The following ZNF469 variants were observed in gnomAD, a reference collection of about 807,000 sequenced individuals.
ZNF469 encodes zinc finger protein 469.
Under a neutral mutation model 1.0 loss-of-function variants are expected in ZNF469, and 1 was observed. The ratio of observed to expected loss-of-function variants is 1.00; its 90% CI spans 0.35 to 4.73. The LOEUF is 4.73. Among genes scored for constraint, ZNF469 ranks in the 30% most tolerant of loss-of-function variants. The pLI, the probability that ZNF469 is intolerant of heterozygous loss-of-function variation, is 0.16. For missense variants in ZNF469, 6,100 were observed against 5,356.3 expected (o/e 1.14, Z -4.33); for synonymous variants, 2,703 against 2,363.4 (o/e 1.14, Z -4.17).
chr16:88,108,839 T>A, the ZNF469 span, among the ~76,000 whole-genome samples: 1 of 152,218 alleles, frequency 6.6e-6, no homozygotes, highest in Non-Finnish European at 1.5e-5. Context: ...CCAGCAGCTC[T>A]GTGGGGAGGC....
At chr16:88,407,865 G>C (rs571479778) in intron 1 of ZNF469, among the ~76,000 whole-genome samples, 4 of 152,362 alleles carry the variant, frequency 2.6e-5, no homozygotes, top group African/African-American at 9.6e-5. Flanking sequence ...TGCAAATTAA[G>C]ACAGTATCAC....
the ZNF469 span, among the ~76,000 whole-genome samples, chr16:88,223,219 A>G: frequency 6.6e-6 from 1 of 152,168 alleles, no homozygotes; most frequent in Non-Finnish European, 1.5e-5. Context: ...AAACTGAACC[A>G]TGGGGGCCGT....
the ZNF469 span, among the ~76,000 whole-genome samples, chr16:88,298,497 A>T: frequency 6.6e-6 from 1 of 152,236 alleles, no homozygotes; most frequent in Admixed American, 6.5e-5. Context: ...GAGACCCTGG[A>T]AGGCGAAACT....
the ZNF469 span, among the ~76,000 whole-genome samples, chr16:88,156,014 T>C: frequency 1.3e-5 from 2 of 152,226 alleles, no homozygotes; most frequent in Admixed American, 6.5e-5. Flanking sequence ...ACTGAGTACC[T>C]TTCCATGTGC....
the ZNF469 span, among the ~76,000 whole-genome samples, chr16:88,343,751 G>C: frequency 6.6e-6 from 1 of 152,142 alleles, no homozygotes; most frequent in African/African-American, 2.4e-5. Flanking sequence ...TCCATGAATG[G>C]ATTAATCCAT....
chr16:88,419,436 T>A (rs1335433734), intron 1 of ZNF469, among the ~76,000 whole-genome samples: 1 of 152,182 alleles, frequency 6.6e-6, no homozygotes, highest in Admixed American at 6.5e-5. Flanking sequence ...CATGTGACCT[T>A]GGGCAGGTTC....
the ZNF469 span, among the ~76,000 whole-genome samples, chr16:88,169,708 C>G: frequency 6.6e-6 from 1 of 152,222 alleles, no homozygotes; most frequent in African/African-American, 2.4e-5. This position sits in a 1 kb window ranked among gnomAD's most constrained non-coding sequence, Gnocchi z 6.1. Context: ...GGCCGTCTGC[C>G]CCTCCGTCCC....
chr16:88,383,881 G>C (rs908189514), intron 1 of ZNF469, among the ~76,000 whole-genome samples: 1 of 152,188 alleles, frequency 6.6e-6, no homozygotes, highest in South Asian at 2.1e-4. Flanking sequence ...TGCAGAGCCG[G>C]GAAGTTGGCT....
chr16:88,351,237 T>C, the ZNF469 span, among the ~76,000 whole-genome samples: 2 of 152,208 alleles, frequency 1.3e-5, no homozygotes, highest in Non-Finnish European at 2.9e-5. Context: ...CCCCTCCCAC[T>C]GCTGGTCCCG....
At position 88,434,540 on chromosome 16, in the gene ZNF469, G is replaced by A. The variant is rs1906430922; in HGVS notation, c.7070G>A (p.Gly2357Asp). Residue 2357 changes from glycine to aspartate, a missense_variant, in exon 3 of 3, where the codon GGT becomes GAT. Transcript: ENST00000565624. ...AVPTEPPTLQ[G>D]AGPDSPACLE... ...CCCACTGAGCCTCCCACGCTACAGG[G>A]TGCAGGGCCGGACTCCCCCGCCTGC... 1.1e-5 allele frequency: 17 copies of A among 1,550,216 alleles called. No individual in the cohort carries two copies. Among genetic ancestry groups the A allele is most frequent in the Non-Finnish European group, 1.4e-5 (16 of 1,146,964 alleles).
chr16:88,224,690 CGTGTGTCTCTGTGTGTGTGTGTCCAT>C, the ZNF469 span, among the ~76,000 whole-genome samples: 1 of 152,118 alleles, frequency 6.6e-6, no homozygotes, highest in Admixed American at 6.5e-5. Flanking sequence ...GAGCTCTGCC[CGTGTGTCTCTGTGTGTGTGTGTCCAT>C]GTGTGTCTCT....
the ZNF469 span, among the ~76,000 whole-genome samples, chr16:88,276,300 C>T: frequency 2.6e-5 from 4 of 152,202 alleles, no homozygotes; most frequent in East Asian, 1.9e-4. Flanking sequence ...AGTGGGGGTG[C>T]AGCAAGCAGG....
Position 88,435,713 on chromosome 16 carries a change from AG to A in ZNF469, c.8246del (p.Gly2749GlufsTer121). On this transcript the variant is annotated frameshift_variant, in exon 3 of 3. Transcript: ENST00000565624. LOFTEE classifies it low-confidence loss of function (END_TRUNC). ...CTGGGGGAACAGCCAACTGGGCAGA[AG>A]GGAGCCTCGGCAAGGGGGTTCTGGG... ...AALGEQPTGQ[K>X]GASARGFWGP... 6.4e-7 allele frequency: 1 copy of A among 1,550,752 alleles called. No homozygotes were observed. Among genetic ancestry groups the A allele is most frequent in the Non-Finnish European group, 8.7e-7 (1 of 1,146,982 alleles).
chr16:88,401,641 GGATACATGGGTGGATGGGT>G (rs1904867459), intron 1 of ZNF469, among the ~76,000 whole-genome samples: 1 of 151,518 alleles, frequency 6.6e-6, no homozygotes, highest in Non-Finnish European at 1.5e-5. Flanking sequence ...ATGGATGGAT[GGATACATGGGTGGATGGGT>G]AGATGGATGG....
At chr16:88,309,715 C>T in the ZNF469 span, among the ~76,000 whole-genome samples, 1 of 151,252 alleles carries the variant, frequency 6.6e-6, no homozygotes, top group Admixed American at 6.6e-5. Flanking sequence ...TCTGAGGTGC[C>T]CTCTCAGTGT....
the ZNF469 span, among the ~76,000 whole-genome samples, chr16:88,199,015 G>A: frequency 9.8e-5 from 15 of 152,302 alleles, no homozygotes; most frequent in South Asian, 2.1e-4. Context: ...TCTGCAGGCC[G>A]TGTTTGAGGT....
rs754458926 is a variant in ZNF469, at chr16:88,430,163, C to A, written c.2693C>A (p.Pro898Gln). The A allele has an allele frequency of 5.2e-6, 8 of 1,549,054 alleles. No homozygotes were observed. Among genetic ancestry groups the A allele is most frequent in the Non-Finnish European group, 6.1e-6 (7 of 1,146,020 alleles). Reference protein sequence around the residue: ...KAGVTPESKAPPPLPAATPDP... With the variant: ...KAGVTPESKAQPPLPAATPDP... ...GGGGTGACTCCAGAGAGCAAAGCTC[C>A]GCCCCCGCTCCCAGCAGCCACGCCG... The change falls in exon 3 of 3, where the codon CCG becomes CAG. Residue 898 changes from proline to glutamine, a missense_variant. Coordinates refer to ENST00000565624, the MANE Select transcript of ZNF469 (RefSeq NM_001367624.2).
At chr16:88,203,065 C>T in the ZNF469 span, among the ~76,000 whole-genome samples, 1 of 151,820 alleles carries the variant, frequency 6.6e-6, no homozygotes, top group African/African-American at 2.4e-5. Flanking sequence ...GGCCGTGAGT[C>T]AGGCTGAAAA....
rs929593980 is a variant in ZNF469 at position 88,431,709 on chromosome 16, C to T, written c.4239C>T (p.Ser1413=). 1.3e-6 allele frequency: 2 copies of T among 1,550,276 alleles called. No homozygotes were observed. Among genetic ancestry groups the T allele is most frequent in the African/African-American group, 2.7e-5 (2 of 73,054 alleles). Residue 1413 remains serine (S), a synonymous_variant, in exon 3 of 3, where the codon TCC becomes TCT. Transcript: ENST00000565624. ...GGGATGCCCCGCCGGCCAGCAGCTC[C>T]TGCCTTTGCCAGGACGGCGAGGATG... ...SARDAPPASS[S]CLCQDGEDAG...
Sources: allele counts gnomAD v4.1 joint callset (sites outside exome capture counted in the v4.1 genomes callset), GRCh38; gene constraint gnomAD v4.1.1; non-coding constraint Gnocchi (gnomAD v3.1); transcripts MANE v1.5; gene names NCBI Gene and HGNC (gene_info 2026-07-23, HGNC 2026-07-21).